The following MYOM2 variants were observed in gnomAD, a reference collection of about 807,000 sequenced individuals.
The protein encoded by MYOM2 is myomesin-2.
In MYOM2, 254 loss-of-function variants were observed where a neutral mutation model predicts 187.6. The observed-to-expected ratio is 1.35, with a 90% confidence interval of 1.22 to 1.50. The LOEUF is 1.50. Ranked by LOEUF, MYOM2 falls within the 40% of genes most tolerant of loss-of-function variation. MYOM2 has a pLI of 0.00. For missense variants in MYOM2, 2,796 were observed against 1,924.0 expected (o/e 1.45, Z -8.48); for synonymous variants, 981 against 753.8 (o/e 1.30, Z -4.94).
At chr8:2,130,994 C>T (rs1445749646) in intron 32 of MYOM2, among the ~76,000 whole-genome samples, 2 of 152,178 alleles carry the variant, frequency 1.3e-5, no homozygotes, top group African/African-American at 2.4e-5. Flanking sequence ...CAATGTGTGT[C>T]CTGCCATCCG....
chr8:2,124,416 TTGAG>T (rs1266539040), intron 31 of MYOM2, among the ~76,000 whole-genome samples, 199 bp downstream of exon 31: 1 of 152,206 alleles, frequency 6.6e-6, no homozygotes, highest in Non-Finnish European at 1.5e-5. Flanking sequence ...TGTCTGGAGT[TTGAG>T]TTTTACTTTA....
At chr8:2,126,721 G>T (rs1797654252) in intron 31 of MYOM2, among the ~76,000 whole-genome samples, 1 of 145,716 alleles carries the variant, frequency 6.9e-6, no homozygotes, top group Non-Finnish European at 1.5e-5. Flanking sequence ...TGAGCACTGG[G>T]GGAGGCTGAT....
At chr8:2,091,595 G>C (rs1236500545) in intron 15 of MYOM2, among the ~76,000 whole-genome samples, 1 of 152,194 alleles carries the variant, frequency 6.6e-6, no homozygotes, top group Non-Finnish European at 1.5e-5. Context: ...GAGAAAGCCA[G>C]ATACGGAAAT....
chr8:2,097,564 G>T (rs1446945556), intron 18 of MYOM2, among the ~76,000 whole-genome samples: 2 of 152,110 alleles, frequency 1.3e-5, no homozygotes, highest in African/African-American at 4.8e-5. Flanking sequence ...ACCCAGGCTG[G>T]AGTGCAGTGG....
intron 10 of MYOM2, 42 bp downstream of exon 10, chr8:2,073,542 C>A: frequency 6.5e-7 from 1 of 1,539,518 alleles, no homozygotes; most frequent in Non-Finnish European, 8.7e-7. Flanking sequence ...CTTGTGTGTG[C>A]CCGGGGAGGG....
chr8:2,143,327 G>A, intron 35 of MYOM2, 74 bp from the exon 36 acceptor site: 1 of 1,557,898 alleles, frequency 6.4e-7, no homozygotes, highest in East Asian at 2.2e-5. Flanking sequence ...GGTACCCACT[G>A]CTGCTTACAT....
At chr8:2,065,042 C>G (rs117897133) in intron 6 of MYOM2, among the ~76,000 whole-genome samples, 2,300 of 152,328 alleles carry the variant, frequency 0.015, 35 homozygotes, top group Middle Eastern at 0.048. Flanking sequence ...TTCTTAGTTA[C>G]TAATATATAA....
chr8:2,102,919 T>G (rs1796758572), intron 21 of MYOM2, 138 bp downstream of exon 21: 1 of 661,600 alleles, frequency 1.5e-6, no homozygotes, highest in African/African-American at 1.8e-5. Context: ...TGTGGATGGG[T>G]CTGTAGATAA....
intron 10 of MYOM2, among the ~76,000 whole-genome samples, chr8:2,074,308 C>G (rs562091942): frequency 1.6e-4 from 25 of 152,220 alleles, no homozygotes; most frequent in Admixed American, 6.5e-4. Flanking sequence ...CATGGAGGCT[C>G]AGAGGCAGGA....
At chr8:2,135,218 A>G (rs940326457) in intron 32 of MYOM2, among the ~76,000 whole-genome samples, 6 of 152,220 alleles carry the variant, frequency 3.9e-5, no homozygotes, top group Admixed American at 2.6e-4. Flanking sequence ...TGAGAAACAA[A>G]TGTGCATACT....
intron 35 of MYOM2, 35 bp downstream of exon 35, chr8:2,142,432 A>C (rs773852979): frequency 2.5e-6 from 4 of 1,611,194 alleles, no homozygotes; most frequent in Non-Finnish European, 3.4e-6. Context: ...AGGATGGTGA[A>C]TTATTTGGGG....
chr8:2,083,540 C>T (rs765024100), intron 13 of MYOM2, among the ~76,000 whole-genome samples: 18 of 152,156 alleles, frequency 1.2e-4, no homozygotes, highest in Middle Eastern at 3.4e-3. Context: ...CGGCATCTTG[C>T]GTGTGCTTAG....
intron 6 of MYOM2, among the ~76,000 whole-genome samples, chr8:2,064,775 C>A (rs1430094206): frequency 1.3e-5 from 2 of 151,432 alleles, no homozygotes; most frequent in African/African-American, 4.9e-5. Context: ...CCTCCTTCTC[C>A]TCCATCCCCC....
Position 2,140,792 on chromosome 8 carries a change from A to G in MYOM2, c.3870A>G (p.Ile1290Met), listed in dbSNP as rs1319304968. The change falls in exon 33 of 37, where the codon ATA becomes ATG. Residue 1290 changes from isoleucine to methionine, a missense_variant. By Grantham distance (10) the Ile-to-Met change is conservative. Coordinates refer to ENST00000262113, the MANE Select transcript of MYOM2 (RefSeq NM_003970.4). ...GTGAAGAGATGGCTTGGCTGCAGAT[A>G]TGTGAGCCGACTGAGAAGGATAAAG... ...GGSEEMAWLQ[I>M]CEPTEKDKGK... 6.2e-7 allele frequency: 1 copy of G among 1,614,168 alleles called. No homozygotes were observed. The highest frequency in any genetic ancestry group is 8.5e-7 in the Non-Finnish European group (1 of 1,180,002).
intron 13 of MYOM2, among the ~76,000 whole-genome samples, chr8:2,081,337 G>A (rs587739129): frequency 4.3e-5 from 6 of 140,500 alleles, no homozygotes; most frequent in South Asian, 2.3e-4. Flanking sequence ...TCTGGCCTGC[G>A]GGAGGAACAG....
chr8:2,079,335 C>A (rs1353508909), intron 12 of MYOM2, among the ~76,000 whole-genome samples: 1 of 152,006 alleles, frequency 6.6e-6, no homozygotes, highest in Middle Eastern at 3.2e-3. Context: ...TGTAAGCGAG[C>A]CACTATATTT....
chr8:2,101,141 T>C (rs1431530547), intron 20 of MYOM2, 87 bp downstream of exon 20: 2 of 1,362,544 alleles, frequency 1.5e-6, no homozygotes, highest in Non-Finnish European at 2.0e-6. Flanking sequence ...AGGTCAGGAG[T>C]TCGAAACCAG....
chr8:2,133,689 G>A (rs1797955526), intron 32 of MYOM2, among the ~76,000 whole-genome samples: 1 of 152,160 alleles, frequency 6.6e-6, no homozygotes, highest in Non-Finnish European at 1.5e-5. Context: ...TCGAACTCCT[G>A]ACCTCAGGTG....
chr8:2,064,401 G>C (rs778925168), intron 6 of MYOM2, among the ~76,000 whole-genome samples: 2 of 152,232 alleles, frequency 1.3e-5, no homozygotes, highest in Admixed American at 6.5e-5. Context: ...GGGGGTGACC[G>C]CGAGCTCCTT....
Sources: allele counts gnomAD v4.1 joint callset (sites outside exome capture counted in the v4.1 genomes callset), GRCh38; gene constraint gnomAD v4.1.1; transcripts MANE v1.5; gene names NCBI Gene and HGNC (gene_info 2026-07-23, HGNC 2026-07-21).